GCNT1: variants seen among roughly 807,000 people sequenced by gnomAD.
GCNT1 encodes beta-1,3-galactosyl-O-glycosyl-glycoprotein beta-1,6-N-acetylglucosaminyltransferase.
In GCNT1, 16 loss-of-function variants were observed where a neutral mutation model predicts 26.2. The observed-to-expected ratio is 0.61, with a 90% CI of 0.41 to 0.93. The LOEUF (loss-of-function observed/expected upper bound fraction) is 0.93. Ranked by LOEUF, GCNT1 falls within the 40% of genes least tolerant of loss-of-function variation. The pLI, the probability that GCNT1 is intolerant of heterozygous loss-of-function variation, is 0.00. For synonymous variants in GCNT1, 183 were observed against 190.8 expected, an observed-to-expected ratio of 0.96 and a Z score of 0.34; for missense variants, 477 against 526.7, an observed-to-expected ratio of 0.91 and a Z score of 0.92.
At chr9:76,439,060 A>T (rs1288789587), upstream of GCNT1, among the ~76,000 whole-genome samples, 1 of 152,168 alleles carries the variant, frequency 6.6e-6, no homozygotes, top group East Asian at 1.9e-4. Flanking sequence ...TAAAACATGA[A>T]AGTAGGAAAT....
the GCNT1 span, among the ~76,000 whole-genome samples, chr9:76,400,264 TC>T: frequency 6.6e-6 from 1 of 152,194 alleles, no homozygotes; most frequent in Non-Finnish European, 1.5e-5. Flanking sequence ...GAATAATTAA[TC>T]TAAAAATTTC....
At chr9:76,456,370 G>A (rs1208531242), upstream of GCNT1, among the ~76,000 whole-genome samples, 1 of 152,060 alleles carries the variant, frequency 6.6e-6, no homozygotes, top group Non-Finnish European at 1.5e-5. Context: ...GCACCAGCTG[G>A]GTACCGCCCC....
chr9:76,405,519 T>C, the GCNT1 span, among the ~76,000 whole-genome samples: 1 of 152,230 alleles, frequency 6.6e-6, no homozygotes, highest in Non-Finnish European at 1.5e-5. Context: ...TTCACTGTCA[T>C]AAAAATCCTC....
chr9:76,477,330 AG>A (rs2131610999), intron 2 of GCNT1, among the ~76,000 whole-genome samples: 2 of 149,598 alleles, frequency 1.3e-5, no homozygotes, highest in African/African-American at 4.9e-5. Context: ...GTTTGAGACC[AG>A]CCTTGCCAAC....
At chr9:76,458,332 G>A (rs943192835), upstream of GCNT1, among the ~76,000 whole-genome samples, 4 of 151,686 alleles carry the variant, frequency 2.6e-5, no homozygotes, top group African/African-American at 4.8e-5. Context: ...ACAGGCGCCC[G>A]CCACCACGCC....
At chr9:76,424,953 C>T (rs1244160827) in intron 1 of GCNT1, among the ~76,000 whole-genome samples, 1 of 151,996 alleles carries the variant, frequency 6.6e-6, no homozygotes, top group Non-Finnish European at 1.5e-5. Flanking sequence ...TCCTGGCTAA[C>T]ACAGTGAAAC....
the GCNT1 span, among the ~76,000 whole-genome samples, chr9:76,394,830 A>C: frequency 6.6e-6 from 1 of 152,188 alleles, no homozygotes. Flanking sequence ...AACGTCAGGC[A>C]TCGCTCGTTC....
chr9:76,433,813 A>C (rs1343955323), intron 1 of GCNT1, among the ~76,000 whole-genome samples: 1 of 152,186 alleles, frequency 6.6e-6, no homozygotes, highest in East Asian at 1.9e-4. Context: ...TGATGGATTT[A>C]AGACAATAGG....
At chr9:76,402,135 C>G in the GCNT1 span, among the ~76,000 whole-genome samples, 1 of 152,186 alleles carries the variant, frequency 6.6e-6, no homozygotes, top group African/African-American at 2.4e-5. Context: ...GCACCTTTGT[C>G]TTTGTAAATC....
intron 2 of GCNT1, among the ~76,000 whole-genome samples, chr9:76,498,946 C>T (rs1429896795): frequency 6.6e-6 from 1 of 151,864 alleles, no homozygotes; most frequent in East Asian, 1.9e-4. Context: ...TTTACTGCTG[C>T]TTTCTATTTT....
At chr9:76,402,124 G>A in the GCNT1 span, among the ~76,000 whole-genome samples, 1 of 152,280 alleles carries the variant, frequency 6.6e-6, no homozygotes, top group South Asian at 2.1e-4. Flanking sequence ...AGGGAAGAAG[G>A]GCACCTTTGT....
In GCNT1 at chr9:76,504,872, C is replaced by T; in HGVS notation, c.*1204C>T. The T allele has an allele frequency of 2.4e-6, 1 of 413,342 alleles. No homozygotes were observed. Among genetic ancestry groups the T allele is most frequent in the Non-Finnish European group, 4.4e-6 (1 of 226,118 alleles). 25.6% of individuals were successfully genotyped at this position (413,342 alleles called of 1,614,324 possible). A position where few individuals can be genotyped will look rare whatever the true frequency, so the allele number is the denominator to read the frequency against. On this transcript the variant is annotated 3_prime_UTR_variant, in exon 4 of 4. Coordinates refer to ENST00000376730, the MANE Select transcript of GCNT1 (RefSeq NM_001490.5). ...GAAGTGTGCAGTCATTCCACATGGC[C>T]TGTTGGAAGGCCTGGGGAGGGAACT...
intron 2 of GCNT1, among the ~76,000 whole-genome samples, chr9:76,476,806 C>T (rs1215256757): frequency 1.3e-5 from 2 of 152,198 alleles, no homozygotes; most frequent in Non-Finnish European, 2.9e-5. Flanking sequence ...ACTTTCATGA[C>T]ACTAAACTCA....
chr9:76,431,993 C>T (rs1353852253), intron 1 of GCNT1, among the ~76,000 whole-genome samples: 1 of 152,088 alleles, frequency 6.6e-6, no homozygotes, highest in Non-Finnish European at 1.5e-5. Context: ...CCCATAATCC[C>T]AGCTTCTTGA....
At chr9:76,397,089 C>G in the GCNT1 span, among the ~76,000 whole-genome samples, 2 of 152,184 alleles carry the variant, frequency 1.3e-5, no homozygotes, top group Admixed American at 6.5e-5. Context: ...CAATACCAGC[C>G]TGGACAACAT....
At chr9:76,438,449 T>C (rs141047590), upstream of GCNT1, among the ~76,000 whole-genome samples, 892 of 152,196 alleles carry the variant, frequency 5.9e-3, 3 homozygotes, top group Non-Finnish European at 9.6e-3. Flanking sequence ...TTGTAGAGAG[T>C]AGACTGTAAA....
intron 2 of GCNT1, among the ~76,000 whole-genome samples, chr9:76,470,114 A>G (rs2131603593): frequency 6.6e-6 from 1 of 152,308 alleles, no homozygotes; most frequent in East Asian, 1.9e-4. Context: ...GTGTGTGTAT[A>G]TGACTTTGAC....
chr9:76,502,422 C>T lies in GCNT1; in HGVS notation c.41C>T (p.Pro14Leu), dbSNP rs765344079. 2 of 1,611,978 alleles carry T rather than the reference C, an allele frequency of 1.2e-6. No homozygotes were observed. The highest frequency in any genetic ancestry group is 1.7e-6 in the Non-Finnish European group (2 of 1,179,076). Residue 14 changes from proline (P) to leucine (L), a missense_variant, in exon 4 of 4, where the codon CCC (proline) becomes CTC (leucine). Pro to Leu is a moderately conservative substitution (Grantham distance 98). Coordinates refer to ENST00000376730, the MANE Select transcript of GCNT1 (RefSeq NM_001490.5). ...TLLRRRLFSYPTKYYFMVLVL... is the reference protein window; with the variant it reads ...TLLRRRLFSYLTKYYFMVLVL... Reference sequence around the variant, plus strand: ...CTGCGAAGGAGACTTTTTTCTTATCCCACCAAATACTACTTTATGGTTCTT... The same window carrying T: ...CTGCGAAGGAGACTTTTTTCTTATCTCACCAAATACTACTTTATGGTTCTT...
chr9:76,400,340 A>G, the GCNT1 span, among the ~76,000 whole-genome samples: 17 of 151,952 alleles, frequency 1.1e-4, no homozygotes, highest in African/African-American at 3.9e-4. Flanking sequence ...GTCTCTCCCA[A>G]TCCATTTTTA....
Sources: allele counts gnomAD v4.1 joint callset (sites outside exome capture counted in the v4.1 genomes callset), GRCh38; gene constraint gnomAD v4.1.1; transcripts MANE v1.5; gene names NCBI Gene and HGNC (gene_info 2026-07-23, HGNC 2026-07-21).